Variants in ACTR3C observed in about 807,000 individuals in gnomAD.
ACTR3C encodes the protein actin-related protein 3C.
Under a neutral mutation model 26.3 loss-of-function variants are expected in ACTR3C, and 18 were observed. The observed-to-expected ratio is 0.68, with a 90% CI of 0.47 to 1.01. The LOEUF is 1.01. Ranked by LOEUF, ACTR3C falls within the 50% of genes least tolerant of loss-of-function variation. The pLI is 0.00. For synonymous variants in ACTR3C, 55 were observed against 94.5 expected (o/e 0.58, Z 2.42); for missense variants, 184 against 250.7 (o/e 0.73, Z 1.80).
At chr7:149,983,928 GAGAGT>G in the ACTR3C span, among the ~76,000 whole-genome samples, 2 of 152,104 alleles carry the variant, frequency 1.3e-5, no homozygotes, top group African/African-American at 4.8e-5. Context: ...GACTTGTACA[GAGAGT>G]AGAGAGGTGC....
the ACTR3C span, among the ~76,000 whole-genome samples, chr7:150,053,802 A>G: frequency 6.6e-6 from 1 of 152,238 alleles, no homozygotes; most frequent in Non-Finnish European, 1.5e-5. Context: ...ACTTGACTTC[A>G]CTAAAAATTA....
chr7:149,978,277 G>A, the ACTR3C span, among the ~76,000 whole-genome samples: 7 of 152,022 alleles, frequency 4.6e-5, no homozygotes, highest in African/African-American at 1.7e-4. Context: ...TTCATTCAGG[G>A]CAGGGGTTCA....
the ACTR3C span, among the ~76,000 whole-genome samples, chr7:150,210,354 C>T: frequency 6.6e-6 from 1 of 150,960 alleles, no homozygotes. Context: ...TATGATCTAG[C>T]TGTTCCACTC....
the ACTR3C span, among the ~76,000 whole-genome samples, chr7:150,104,320 T>A: frequency 6.6e-6 from 1 of 152,020 alleles, no homozygotes; most frequent in African/African-American, 2.4e-5. Context: ...CATCCCTACA[T>A]CTTTCTAAGA....
chr7:150,221,108 G>C, the ACTR3C span, among the ~76,000 whole-genome samples: 3 of 152,274 alleles, frequency 2.0e-5, no homozygotes, highest in Non-Finnish European at 4.4e-5. Flanking sequence ...TACAGCGGAG[G>C]GATGCGAGCG....
the ACTR3C span, among the ~76,000 whole-genome samples, chr7:150,154,984 T>A: frequency 6.6e-6 from 1 of 152,146 alleles, no homozygotes; most frequent in Non-Finnish European, 1.5e-5. Context: ...GCCCAAATGT[T>A]AAAAGGTGAG....
the ACTR3C span, among the ~76,000 whole-genome samples, chr7:150,022,593 C>T: frequency 5.9e-5 from 9 of 152,044 alleles, no homozygotes; most frequent in Non-Finnish European, 7.3e-5. Flanking sequence ...AGGGAGTAGC[C>T]GGTGTGTCTC....
the ACTR3C span, among the ~76,000 whole-genome samples, chr7:150,178,745 G>A: frequency 2.0e-5 from 3 of 150,708 alleles, 1 homozygote; most frequent in African/African-American, 7.5e-5. Flanking sequence ...AGATGTCATC[G>A]ATTGTGTAAT....
the ACTR3C span, among the ~76,000 whole-genome samples, chr7:150,052,581 T>C: frequency 7.7e-6 from 1 of 129,400 alleles, no homozygotes; most frequent in Middle Eastern, 3.5e-3. Flanking sequence ...AGCCCTACCA[T>C]TGTGTCACTG....
the ACTR3C span, among the ~76,000 whole-genome samples, chr7:150,164,590 C>A: frequency 6.6e-6 from 1 of 151,854 alleles, no homozygotes; most frequent in South Asian, 2.1e-4. Flanking sequence ...GAGGCAGCAG[C>A]ATCACAGAGA....
At chr7:150,070,059 A>T in the ACTR3C span, among the ~76,000 whole-genome samples, 1 of 152,228 alleles carries the variant, frequency 6.6e-6, no homozygotes, top group Admixed American at 6.5e-5. Context: ...CGTGGAAGGC[A>T]AGCAAAGATG....
chr7:150,208,359 C>T, the ACTR3C span, among the ~76,000 whole-genome samples: 1,338 of 152,152 alleles, frequency 8.8e-3, 30 homozygotes, highest in African/African-American at 0.031. Context: ...GAACAGGGCA[C>T]GCATGAGAGA....
chr7:150,304,550 T>A (rs901692469), intron 1 of ACTR3C, among the ~76,000 whole-genome samples: 1 of 152,312 alleles, frequency 6.6e-6, no homozygotes, highest in East Asian at 1.9e-4. Flanking sequence ...CTTCTTTACC[T>A]GTGTAGCCCA....
At chr7:150,019,676 C>T in the ACTR3C span, among the ~76,000 whole-genome samples, 8 of 150,884 alleles carry the variant, frequency 5.3e-5, no homozygotes, top group African/African-American at 1.2e-4. Flanking sequence ...GCCATTCTAC[C>T]TCCTAGGAAG....
the ACTR3C span, among the ~76,000 whole-genome samples, chr7:150,107,291 AT>A: frequency 2.0e-5 from 3 of 151,286 alleles, no homozygotes; most frequent in Non-Finnish European, 4.4e-5. Flanking sequence ...CTCACACTGT[AT>A]TTTTTTATTC....
chr7:150,047,913 G>C, the ACTR3C span: 1 of 1,340,074 alleles, frequency 7.5e-7, no homozygotes, highest in South Asian at 1.3e-5. Context: ...CTTTCTCTCC[G>C]GTTCCCACTC....
the ACTR3C span, among the ~76,000 whole-genome samples, chr7:149,953,581 G>A: frequency 1.3e-5 from 2 of 152,122 alleles, no homozygotes; most frequent in African/African-American, 4.8e-5. Context: ...CAAAGACCAA[G>A]CAGTCCCCAT....
At chr7:150,243,562 A>G (rs564477479), downstream of ACTR3C, among the ~76,000 whole-genome samples, 71 of 152,186 alleles carry the variant, frequency 4.7e-4, 1 homozygote, top group Admixed American at 1.7e-3. Context: ...CTTGGTATCC[A>G]TGGGGAATTA....
the ACTR3C span, among the ~76,000 whole-genome samples, chr7:149,903,854 G>A: frequency 5.4e-3 from 513 of 95,808 alleles, 4 homozygotes; most frequent in African/African-American, 0.014. Flanking sequence ...CTCTGTGTAC[G>A]AGTGTAAGGG....
Sources: allele counts gnomAD v4.1 joint callset (sites outside exome capture counted in the v4.1 genomes callset), GRCh38; gene constraint gnomAD v4.1.1; transcripts MANE v1.5; gene names NCBI Gene and HGNC (gene_info 2026-07-23, HGNC 2026-07-21).